The following RNF212B variants were observed in gnomAD, a reference collection of about 807,000 sequenced individuals.
RNF212B encodes ring finger protein 212B.
Under a neutral mutation model 55.5 loss-of-function variants are expected in RNF212B, and 52 were observed. That is an observed-to-expected ratio of 0.94 (90% CI 0.75 to 1.18). RNF212B has a LOEUF of 1.18. Ranked by LOEUF, RNF212B falls within the 50% of genes most tolerant of loss-of-function variation. RNF212B has a pLI of 0.00. For missense variants in RNF212B, 289 were observed against 350.4 expected, an observed-to-expected ratio of 0.82 and a Z score of 1.40; for synonymous variants, 99 against 121.4, an observed-to-expected ratio of 0.82 and a Z score of 1.21.
At chr14:23,244,638 TATTA>T (rs1053297690) in intron 4 of RNF212B, among the ~76,000 whole-genome samples, 43 of 152,342 alleles carry the variant, frequency 2.8e-4, no homozygotes, top group African/African-American at 9.1e-4. Flanking sequence ...TTCCTAGTTG[TATTA>T]ATTAATTTCT....
chr14:23,220,991 T>C lies in RNF212B; in HGVS notation c.-1-19354T>C, dbSNP rs532561120. On this transcript the variant is annotated intron_variant, in intron 2 of 15. Transcript: ENST00000399910. ...AACAAATAAAATGGCAGGAGTAAGC[T>C]GCTATTTATCAATAATAACATTGAA... is the stretch of plus-strand genomic sequence containing the variant. Among the ~76,000 whole-genome samples the C allele has an allele frequency of 2.6e-3, 397 of 152,110 alleles. 12 individuals carry two copies. Among genetic ancestry groups the C allele is most frequent in the Middle Eastern group, 3.4e-3 (1 of 294 alleles).
intron 2 of RNF212B, among the ~76,000 whole-genome samples, chr14:23,212,247 T>C (rs1456262118): frequency 6.6e-6 from 1 of 152,212 alleles, no homozygotes; most frequent in African/African-American, 2.4e-5. Flanking sequence ...CCTTCACCAC[T>C]TCTCTTCAAC....
chr14:23,231,961 C>CTGGA (rs1882657906), intron 2 of RNF212B, among the ~76,000 whole-genome samples: 1 of 152,176 alleles, frequency 6.6e-6, no homozygotes. Flanking sequence ...GTTGCCCAGG[C>CTGGA]TGGAGTGCAG....
chr14:23,270,108 C>T, intron 13 of RNF212B, 148 bp downstream of exon 13: 3 of 614,672 alleles, frequency 4.9e-6, no homozygotes, highest in Non-Finnish European at 8.6e-6. Flanking sequence ...TAAGAGCCAT[C>T]CCATTTTCTT....
At chr14:23,195,847 T>C (rs1878605826) in intron 2 of RNF212B, among the ~76,000 whole-genome samples, 1 of 152,214 alleles carries the variant, frequency 6.6e-6, no homozygotes, top group Non-Finnish European at 1.5e-5. Context: ...TAAACGTTGT[T>C]TTGCATTTTA....
rs566998020 is a variant in RNF212B, at chr14:23,188,723, G to A, written c.-79+3233G>A. ...AGCCTGAAGAGTTCCTCCAGCCTCA[G>A]CTTCCCAAAGTGCTGGGAGCCACTG... On this transcript the variant is annotated intron_variant, in intron 1 of 15. Coordinates refer to the RNF212B transcript ENST00000399910. 2.0e-5 allele frequency among the ~76,000 whole-genome samples: 3 copies of A among 152,074 alleles called. No individual in the cohort carries two copies. The South Asian group carries it at 6.2e-4, about 32-fold the overall frequency.
chr14:23,231,721 G>A (rs2140420655), intron 2 of RNF212B, among the ~76,000 whole-genome samples: 1 of 151,586 alleles, frequency 6.6e-6, no homozygotes, highest in Non-Finnish European at 1.5e-5. Context: ...TGCCATCTCG[G>A]CTCACTGCAA....
At chr14:23,188,170 T>A (rs1211723741) in intron 1 of RNF212B, 1 of 152,256 alleles carries the variant, frequency 6.6e-6, no homozygotes, top group East Asian at 1.9e-4. Flanking sequence ...GAGATAATGA[T>A]GAATCCTTGC....
chr14:23,189,306 T>C (rs1487261311), intron 1 of RNF212B, among the ~76,000 whole-genome samples: 1 of 152,182 alleles, frequency 6.6e-6, no homozygotes, highest in Non-Finnish European at 1.5e-5. Flanking sequence ...CCCCACATCC[T>C]CTGCCTTCCC....
chr14:23,197,024 A>G (rs1271736582), intron 2 of RNF212B, among the ~76,000 whole-genome samples: 3 of 152,180 alleles, frequency 2.0e-5, no homozygotes, highest in African/African-American at 7.2e-5. Context: ...TAATGTCTTC[A>G]GGGCCCAGTA....
At chr14:23,194,376 A>G (rs1034498426) in intron 2 of RNF212B, among the ~76,000 whole-genome samples, 5 of 152,192 alleles carry the variant, frequency 3.3e-5, no homozygotes, top group Admixed American at 2.0e-4. Context: ...GAAAAAATTG[A>G]TAGAATTGAA....
At chr14:23,247,119 A>G (rs928705434) in intron 4 of RNF212B, among the ~76,000 whole-genome samples, 1 of 150,722 alleles carries the variant, frequency 6.6e-6, no homozygotes, top group Non-Finnish European at 1.5e-5. Flanking sequence ...CAGCCTGGGC[A>G]ACACGAGCAA....
At chr14:23,205,643 C>A (rs1390275519) in intron 2 of RNF212B, among the ~76,000 whole-genome samples, 1 of 152,170 alleles carries the variant, frequency 6.6e-6, no homozygotes, top group Non-Finnish European at 1.5e-5. Flanking sequence ...ATGGGCTGAA[C>A]TAACTTTGGG....
At chr14:23,232,708 C>A (rs1375482063) in intron 2 of RNF212B, among the ~76,000 whole-genome samples, 9 of 149,892 alleles carry the variant, frequency 6.0e-5, no homozygotes, top group Admixed American at 1.3e-4. Flanking sequence ...AGCCCCCGCC[C>A]GGCCAGCCGC....
chr14:23,257,872 C>T (rs1473597447), intron 4 of RNF212B, among the ~76,000 whole-genome samples: 2 of 152,122 alleles, frequency 1.3e-5, no homozygotes, highest in African/African-American at 2.4e-5. Context: ...ATAAATTGGT[C>T]ACCAAGGCTG....
intron 4 of RNF212B, among the ~76,000 whole-genome samples, chr14:23,251,932 C>T (rs1177425496): frequency 6.6e-6 from 1 of 152,100 alleles, no homozygotes; most frequent in African/African-American, 2.4e-5. Flanking sequence ...ACTACCCTCC[C>T]AGCACCTCCA....
At chr14:23,227,920 A>G (rs1882180073) in intron 2 of RNF212B, among the ~76,000 whole-genome samples, 1 of 152,048 alleles carries the variant, frequency 6.6e-6, no homozygotes, top group Admixed American at 6.5e-5. Flanking sequence ...CTAAAAATAT[A>G]AAAGTTTTTT....
At chr14:23,271,014 A>T (rs1886033897) in intron 14 of RNF212B, among the ~76,000 whole-genome samples, 1 of 152,214 alleles carries the variant, frequency 6.6e-6, no homozygotes, top group Non-Finnish European at 1.5e-5. Flanking sequence ...TACTTGAACT[A>T]GGAAAAACCA....
upstream of RNF212B, among the ~76,000 whole-genome samples, chr14:23,234,028 C>A (rs1358256454): frequency 6.6e-6 from 1 of 152,120 alleles, no homozygotes; most frequent in Non-Finnish European, 1.5e-5. Flanking sequence ...ACCTGGGAGG[C>A]AGAGGTTGCA....
Sources: allele counts gnomAD v4.1 joint callset (sites outside exome capture counted in the v4.1 genomes callset), GRCh38; gene constraint gnomAD v4.1.1; transcripts MANE v1.5; gene names NCBI Gene and HGNC (gene_info 2026-07-23, HGNC 2026-07-21).